The following ADAT1 variants were observed in gnomAD, a reference collection of about 807,000 sequenced individuals.
The protein encoded by ADAT1 is adenosine deaminase tRNA specific 1, also known as tRNA-specific adenosine deaminase 1.
Under a neutral mutation model 58.6 loss-of-function variants are expected in ADAT1, and 58 were observed. That is an observed-to-expected ratio of 0.99 (90% CI 0.80 to 1.23). The LOEUF (loss-of-function observed/expected upper bound fraction) is 1.23. Among genes scored for constraint, ADAT1 ranks in the 50% most tolerant of loss-of-function variants. The pLI is 0.00. For missense variants in ADAT1, 741 were observed against 608.6 expected (o/e 1.22, Z -2.29); for synonymous variants, 254 against 220.8 (o/e 1.15, Z -1.33).
At chr16:75,607,748 A>C (rs1284766434) in intron 8 of ADAT1, among the ~76,000 whole-genome samples, 3 of 152,222 alleles carry the variant, frequency 2.0e-5, no homozygotes, top group Non-Finnish European at 4.4e-5. Context: ...AAAATTGAAA[A>C]CATATGGCCA....
intron 3 of ADAT1, among the ~76,000 whole-genome samples, chr16:75,619,329 C>T (rs2081852428): frequency 6.6e-6 from 1 of 151,968 alleles, no homozygotes; most frequent in Non-Finnish European, 1.5e-5. Flanking sequence ...TTGAGACCAG[C>T]CTGGCTAACA....
rs752603233 is a variant in ADAT1, at chr16:75,612,401, G to C, written c.885C>G (p.Arg295=). 1.2e-6 allele frequency: 2 copies of C among 1,614,126 alleles called. No individual in the cohort carries two copies. The highest frequency in any genetic ancestry group is 1.3e-5 in the African/African-American group (1 of 74,944). Residue 295 remains arginine, a synonymous_variant, in exon 6 of 10, where the codon CGC becomes CGG. Coordinates refer to ENST00000564657, the MANE Select transcript of ADAT1 (RefSeq NM_001324445.2). The stretch of plus-strand genomic sequence containing the variant: ...CCATCTTGTCACTACAGGACATGGA[G>C]CGTGTTCTGTCTCCACGGCCTGGCT... ...RVKPGRGDRT[R]SMSCSDKMAR...
rs557270117 is a variant in ADAT1, at chr16:75,597,110, T to C, written c.*3106A>G. The C allele has an allele frequency of 1.8e-3, 354 of 196,250 alleles. No individual in the cohort carries two copies. The highest frequency in any genetic ancestry group is 2.8e-3 in the Non-Finnish European group (260 of 92,828). The allele number at this position is 196,250 out of a possible 1,614,324, so 12.2% of individuals were successfully genotyped here. On this transcript the variant is annotated 3_prime_UTR_variant, in exon 10 of 10. Transcript: ENST00000564657. ...ACTGCTAATGGGTTCTGCAATGGGT[T>C]GAGTGGTGTCCCCCAAAACTTCATG...
rs1321645982 is a variant in ADAT1 at position 75,608,901 on chromosome 16, G to A, written c.1131C>T (p.Arg377=). Residue 377 remains arginine, a synonymous_variant, in exon 7 of 10, where the codon CGC becomes CGT. Transcript: ENST00000564657. The stretch of plus-strand genomic sequence containing the variant: ...CAGCCCTTTTTGCCTGCACCGCACT[G>A]CGGCTCTGTTCAAATAGTAAATCTG... ...LQSDLLFEQS[R]SAVQAKRADS... is the part of the protein sequence containing the mutation. 9.3e-6 allele frequency: 15 copies of A among 1,614,102 alleles called. No individual in the cohort carries two copies. In the Admixed American group the frequency reaches 2.3e-4, roughly 25 times the overall value.
rs112935797 is a variant in ADAT1, at chr16:75,623,060, C to CCCCCCCGCGG, written c.-680_-679insCCGCGGGGGG. The CCCCCCCGCGG allele has an allele frequency of 6.6e-6, 1 of 152,036 alleles. No individual in the cohort carries two copies. Among genetic ancestry groups the CCCCCCCGCGG allele is most frequent in the Non-Finnish European group, 1.5e-5 (1 of 68,038 alleles). The allele number at this position is 152,036 out of a possible 1,614,324, so 9.4% of individuals were successfully genotyped here. On this transcript the variant is annotated 5_prime_UTR_variant, in exon 1 of 10. Coordinates refer to ENST00000564657, the MANE Select transcript of ADAT1 (RefSeq NM_001324445.2). ...CGGCTGCCAGGCCAGAGGCCCCGCG[C>CCCCCCCGCGG]CAGGAGCTCTTCAGGCGCCGGCTGC...
In ADAT1 at chr16:75,599,258, T is replaced by A; in HGVS notation, c.*958A>T. 2 of 847,296 alleles carry A rather than the reference T, an allele frequency of 2.4e-6. No individual in the cohort carries two copies. Among genetic ancestry groups the A allele is most frequent in the Non-Finnish European group, 2.8e-6 (2 of 704,302 alleles). 52.5% of individuals were successfully genotyped at this position (847,296 alleles called of 1,614,324 possible). ...CACCATGCCCGGCTAGTTTTTGCAT[T>A]TTTAGTAGAGACAGGGTTTCACCAG... On this transcript the variant is annotated 3_prime_UTR_variant, in exon 10 of 10. Transcript: ENST00000564657.
chr16:75,618,830 A>G (rs1431819971), intron 3 of ADAT1, 190 bp from the exon 4 acceptor site: 2 of 584,344 alleles, frequency 3.4e-6, no homozygotes, highest in African/African-American at 3.8e-5. Flanking sequence ...AGCACTGTAG[A>G]CATTTTGGGC....
rs894143386 is a variant in ADAT1 at position 75,612,482 on chromosome 16, A to C, written c.804T>G (p.Ala268=). ...CAGCACCCGGCTTTCCGGAGTCTCC[A>C]GCTTCTCCAGGTACACACTTGGCTC... The part of the protein sequence containing the change: ...RTGAKCVPGE[A]GDSGKPGAAF... The change falls in exon 6 of 10, where the codon GCT becomes GCG. Residue 268 remains alanine (A), a synonymous_variant. Coordinates refer to ENST00000564657, the MANE Select transcript of ADAT1 (RefSeq NM_001324445.2). 1.2e-6 allele frequency: 2 copies of C among 1,614,072 alleles called. No homozygotes were observed. The highest frequency in any genetic ancestry group is 1.7e-6 in the Non-Finnish European group (2 of 1,180,032).
chr16:75,608,101 G>A (rs1210701351), intron 8 of ADAT1, 123 bp downstream of exon 8: 1 of 744,210 alleles, frequency 1.3e-6, no homozygotes, highest in African/African-American at 1.7e-5. Context: ...GAGAGGGAGG[G>A]ATAGGTAGTG....
In ADAT1 at chr16:75,603,082, C is replaced by T. The variant is rs1358568535; in HGVS notation, c.1376+3G>A. The T allele has an allele frequency of 6.2e-7, 1 of 1,613,160 alleles. No homozygotes were observed. Among genetic ancestry groups the T allele is most frequent in the Non-Finnish European group, 8.5e-7 (1 of 1,179,226 alleles). ...ATGAGAAAACATAGGTCAACAGCATCACCTGAGGGAGTGTGGCCACTTGTC... is the reference window on the plus strand; with the variant it reads ...ATGAGAAAACATAGGTCAACAGCATTACCTGAGGGAGTGTGGCCACTTGTC... On this transcript the variant is annotated splice_donor_region_variant and intron_variant, in intron 9 of 9. Transcript: ENST00000564657.
At chr16:75,621,405 A>G (rs1450997242) in intron 1 of ADAT1, among the ~76,000 whole-genome samples, 1 of 152,002 alleles carries the variant, frequency 6.6e-6, no homozygotes. Context: ...TCTGGGTTCT[A>G]ATTTTGGCTT....
chr16:75,598,255 T>C lies in ADAT1; in HGVS notation c.*1961A>G. 1 of 367,370 alleles carries C rather than the reference T, an allele frequency of 2.7e-6. No homozygotes were observed. Among genetic ancestry groups the C allele is most frequent in the Non-Finnish European group, 5.4e-6 (1 of 184,592 alleles). The allele number at this position is 367,370 out of a possible 1,614,324, so 22.8% of individuals were successfully genotyped here. On this transcript the variant is annotated 3_prime_UTR_variant, in exon 10 of 10. Coordinates refer to ENST00000564657, the MANE Select transcript of ADAT1 (RefSeq NM_001324445.2). ...ATACACCTGGCTAATTTTTGTATTT[T>C]TAGTAGAAAGGGGCTTCACCATGTT...
chr16:75,599,137 A>T lies in ADAT1; in HGVS notation c.*1079T>A. The T allele has an allele frequency of 1.0e-6, 1 of 959,190 alleles. No homozygotes were observed. The allele number at this position is 959,190 out of a possible 1,614,324, so 59.4% of individuals were successfully genotyped here. A position where few individuals can be genotyped will look rare whatever the true frequency, so the allele number is the denominator to read the frequency against. ...TGCTCTATCACCCAGGCTGGAGTGCAGCGGTACGATCTTTGCTCACCACTA... is the reference window on the plus strand; with the variant it reads ...TGCTCTATCACCCAGGCTGGAGTGCTGCGGTACGATCTTTGCTCACCACTA... On this transcript the variant is annotated 3_prime_UTR_variant, in exon 10 of 10. Coordinates refer to ENST00000564657, the MANE Select transcript of ADAT1 (RefSeq NM_001324445.2).
intron 8 of ADAT1, among the ~76,000 whole-genome samples, chr16:75,606,773 T>C (rs557165385): frequency 1.3e-5 from 2 of 152,382 alleles, no homozygotes; most frequent in South Asian, 2.1e-4. Flanking sequence ...ATGTATATTG[T>C]TGTTTTAAGC....
intron 3 of ADAT1, 116 bp downstream of exon 3, chr16:75,620,137 GACTGATAGTCAGT>G: frequency 1.1e-6 from 1 of 870,306 alleles, no homozygotes; most frequent in East Asian, 2.5e-5. Context: ...CTTCCAACTG[GACTGATAGTCAGT>G]AGGAAACAAA....
At chr16:75,617,340 G>C (rs2081767338) in intron 4 of ADAT1, 68 bp from the exon 5 acceptor site, 2 of 1,557,026 alleles carry the variant, frequency 1.3e-6, no homozygotes, top group African/African-American at 1.4e-5. Flanking sequence ...CCTCTGGTTG[G>C]GTGATTACTA....
Position 75,603,085 on chromosome 16 carries a change from C to T in ADAT1, c.1376G>A (p.Arg459Lys). 6.2e-7 allele frequency: 1 copy of T among 1,613,682 alleles called. No homozygotes were observed. The highest frequency in any genetic ancestry group is 8.5e-7 in the Non-Finnish European group (1 of 1,179,584). The change falls in exon 9 of 10, where the codon AGG (arginine) becomes AAG (lysine). Residue 459 changes from arginine (R) to lysine (K), a missense_variant and splice_region_variant. Arg to Lys is a conservative substitution (Grantham distance 26). Transcript: ENST00000564657. Reference sequence around the variant, plus strand: ...AGAAAACATAGGTCAACAGCATCACCTGAGGGAGTGTGGCCACTTGTCCCT... The same window carrying T: ...AGAAAACATAGGTCAACAGCATCACTTGAGGGAGTGTGGCCACTTGTCCCT... ...IARDKWPHSL[R>K]VQKLDTYQEY...
At chr16:75,608,790 C>G in intron 7 of ADAT1, 53 bp downstream of exon 7, 1 of 1,578,944 alleles carries the variant, frequency 6.3e-7, no homozygotes. Flanking sequence ...TCTGGGGCCA[C>G]TCTCAGTCAG....
In ADAT1 at chr16:75,618,595, C is replaced by A; in HGVS notation, c.284G>T (p.Ser95Ile). The A allele has an allele frequency of 6.2e-7, 1 of 1,604,080 alleles. No individual in the cohort carries two copies. The highest frequency in any genetic ancestry group is 8.5e-7 in the Non-Finnish European group (1 of 1,175,958). The change falls in exon 4 of 10, where the codon AGT becomes ATT. Residue 95 changes from serine (S) to isoleucine (I), a missense_variant. By Grantham distance (142) the Ser-to-Ile change is moderately radical. Transcript: ENST00000564657. ...DSHAEVIARR[S>I]FQRYLLHQLQ... ...GGAGATGTGGCTTTACCTTTGGAAA[C>A]TCCTTCTGGCTATGACCTCAGCATG...
Sources: allele counts gnomAD v4.1 joint callset (sites outside exome capture counted in the v4.1 genomes callset), GRCh38; gene constraint gnomAD v4.1.1; transcripts MANE v1.5; gene names NCBI Gene and HGNC (gene_info 2026-07-23, HGNC 2026-07-21).